Variants in UBE2E2 observed in about 807,000 individuals in gnomAD.
UBE2E2 encodes ubiquitin-conjugating enzyme E2 E2.
In UBE2E2, 6 loss-of-function variants were observed where a neutral mutation model predicts 24.7. The observed-to-expected ratio is 0.24, with a 90% CI of 0.13 to 0.48. The LOEUF (loss-of-function observed/expected upper bound fraction) is 0.48. Among genes scored for constraint, UBE2E2 ranks in the 20% least tolerant of loss-of-function variants. The pLI, the probability that UBE2E2 is intolerant of heterozygous loss-of-function variation, is 0.99. For synonymous variants in UBE2E2, 104 were observed against 83.6 expected, an observed-to-expected ratio of 1.24 and a Z score of -1.33; for missense variants, 169 against 245.0, an observed-to-expected ratio of 0.69 and a Z score of 2.07.
intron 3 of UBE2E2, among the ~76,000 whole-genome samples, chr3:23,483,982 C>A (rs1434249699): frequency 6.6e-6 from 1 of 152,104 alleles, no homozygotes; most frequent in East Asian, 1.9e-4. Context: ...ACTTAATGAC[C>A]CCAAAAGACC....
At chr3:23,521,179 A>G (rs1023603110) in intron 4 of UBE2E2, among the ~76,000 whole-genome samples, 1 of 152,146 alleles carries the variant, frequency 6.6e-6, no homozygotes, top group Non-Finnish European at 1.5e-5. Flanking sequence ...TTCATTTTAC[A>G]TTTATCAAAT....
chr3:23,382,463 TA>T (rs879353975), intron 3 of UBE2E2, among the ~76,000 whole-genome samples: 3 of 152,212 alleles, frequency 2.0e-5, no homozygotes, highest in Non-Finnish European at 4.4e-5. Flanking sequence ...ATTATGGGGA[TA>T]AGCCACCGTG....
chr3:23,413,090 A>G (rs1422350733), intron 3 of UBE2E2, among the ~76,000 whole-genome samples: 1 of 151,816 alleles, frequency 6.6e-6, no homozygotes, highest in African/African-American at 2.4e-5. Context: ...AGATATACCT[A>G]ATGCTAAATG....
intron 3 of UBE2E2, among the ~76,000 whole-genome samples, chr3:23,307,835 T>G (rs2125272890): frequency 6.6e-6 from 1 of 152,286 alleles, no homozygotes; most frequent in African/African-American, 2.4e-5. Flanking sequence ...TAGTTCTAAT[T>G]AGGTAAATGT....
intron 3 of UBE2E2, among the ~76,000 whole-genome samples, chr3:23,272,191 GCGAGAGTT>G (rs1345838259): frequency 6.6e-6 from 1 of 152,176 alleles, no homozygotes. Flanking sequence ...CTGAGGCCTG[GCGAGAGTT>G]CGAGTGTGGC....
In UBE2E2 at chr3:23,502,776, A is replaced by G. The variant is rs112806586; in HGVS notation, c.360+3036A>G. 2.5e-3 allele frequency among the ~76,000 whole-genome samples: 377 copies of G among 152,302 alleles called. 3 individuals are homozygous for G. The highest frequency in any genetic ancestry group is 8.7e-3 in the African/African-American group (360 of 41,568). ...AGTATTAGTACTTTTCAAATGCTAT[A>G]TTTCAGTACAATTTTTAGTACATTG... is the stretch of plus-strand genomic sequence containing the variant. On this transcript the variant is annotated intron_variant, in intron 4 of 5. Coordinates refer to ENST00000396703, the MANE Select transcript of UBE2E2 (RefSeq NM_152653.4).
At chr3:23,433,902 C>T (rs1411986093) in intron 3 of UBE2E2, among the ~76,000 whole-genome samples, 4 of 151,826 alleles carry the variant, frequency 2.6e-5, no homozygotes, top group African/African-American at 7.2e-5. Flanking sequence ...TAAGTTACCT[C>T]GTTTGTAAGG....
intron 3 of UBE2E2, among the ~76,000 whole-genome samples, chr3:23,339,875 G>A (rs1435026583): frequency 6.6e-6 from 1 of 152,096 alleles, no homozygotes; most frequent in South Asian, 2.1e-4. Context: ...AGTAGTCAGA[G>A]TGATTAATTT....
rs527649275 is a variant in UBE2E2 at position 23,231,640 on chromosome 3, G to A, written c.227+14328G>A. ...GGTAGACTCAGAAACTACAGATTGA[G>A]GGCTTAGTCCCAAAAGATTGTATCC... On this transcript the variant is annotated intron_variant, in intron 3 of 5. Coordinates refer to ENST00000396703, the MANE Select transcript of UBE2E2 (RefSeq NM_152653.4). 3.3e-5 allele frequency among the ~76,000 whole-genome samples: 5 copies of A among 152,204 alleles called. No homozygotes were observed. The East Asian group carries it at 7.7e-4, about 24-fold the overall frequency.
At chr3:23,565,960 T>A (rs1039239104) in intron 5 of UBE2E2, among the ~76,000 whole-genome samples, 2 of 152,262 alleles carry the variant, frequency 1.3e-5, no homozygotes, top group East Asian at 3.9e-4. Context: ...TTGTCCAGAG[T>A]TGTCATTCAT....
chr3:23,500,640 C>T (rs1699701326), intron 4 of UBE2E2, among the ~76,000 whole-genome samples: 1 of 152,102 alleles, frequency 6.6e-6, no homozygotes, highest in Non-Finnish European at 1.5e-5. Flanking sequence ...TTGGAGTAAA[C>T]AATATAAAAA....
At chr3:23,224,154 A>AG (rs1430563416) in intron 3 of UBE2E2, among the ~76,000 whole-genome samples, 2 of 77,138 alleles carry the variant, frequency 2.6e-5, no homozygotes, top group African/African-American at 4.5e-5. Context: ...TGTAAATTTT[A>AG]GGTTTTTTTT....
At chr3:23,229,439 C>T (rs573610862) in intron 3 of UBE2E2, among the ~76,000 whole-genome samples, 1 of 152,060 alleles carries the variant, frequency 6.6e-6, no homozygotes, top group Non-Finnish European at 1.5e-5. Context: ...TATCCCTCAC[C>T]CTCTTCCCAC....
At chr3:23,296,840 G>A (rs1306705860) in intron 3 of UBE2E2, among the ~76,000 whole-genome samples, 1 of 152,102 alleles carries the variant, frequency 6.6e-6, no homozygotes. Flanking sequence ...GGGATGGCTG[G>A]GTCAAATGGT....
At chr3:23,245,752 C>A (rs17402378) in intron 3 of UBE2E2, among the ~76,000 whole-genome samples, 25,339 of 152,094 alleles carry the variant, frequency 0.17, 2,238 homozygotes, top group South Asian at 0.23. Context: ...GTTATCTTAG[C>A]ATCTTAAACC....
At chr3:23,258,631 C>T (rs925784825) in intron 3 of UBE2E2, among the ~76,000 whole-genome samples, 3 of 152,112 alleles carry the variant, frequency 2.0e-5, no homozygotes, top group African/African-American at 4.8e-5. Flanking sequence ...TGGTGGCTCA[C>T]GCCTATAATC....
chr3:23,322,344 T>C (rs1403629834), intron 3 of UBE2E2, among the ~76,000 whole-genome samples: 1 of 152,186 alleles, frequency 6.6e-6, no homozygotes, highest in Non-Finnish European at 1.5e-5. Flanking sequence ...ATACATTTAG[T>C]GCCTGCACTT....
intron 3 of UBE2E2, among the ~76,000 whole-genome samples, chr3:23,242,392 C>T (rs528535128): frequency 3.0e-5 from 3 of 99,688 alleles, no homozygotes; most frequent in African/African-American, 8.1e-5. Context: ...CCCCGCCCCC[C>T]GCCCCCCCAG....
At chr3:23,283,963 AAG>A (rs1231603116) in intron 3 of UBE2E2, among the ~76,000 whole-genome samples, 2 of 152,158 alleles carry the variant, frequency 1.3e-5, no homozygotes, top group Non-Finnish European at 2.9e-5. Context: ...CAGTTTGAAA[AAG>A]AATATGGATA....
Sources: allele counts gnomAD v4.1 joint callset (sites outside exome capture counted in the v4.1 genomes callset), GRCh38; gene constraint gnomAD v4.1.1; transcripts MANE v1.5; gene names NCBI Gene and HGNC (gene_info 2026-07-23, HGNC 2026-07-21).